Variants in SQLE observed in about 807,000 individuals in gnomAD.
SQLE encodes the protein squalene monooxygenase.
SQLE carries 29 observed loss-of-function variants against 60.7 expected under a neutral mutation model. That is an observed-to-expected ratio of 0.48 (90% CI 0.36 to 0.65). SQLE has a LOEUF of 0.65. SQLE is among the 30% of genes least tolerant of loss of function. SQLE has a pLI of 0.00. For missense variants in SQLE, 605 were observed against 684.1 expected (o/e 0.88, Z 1.29); for synonymous variants, 237 against 246.8 (o/e 0.96, Z 0.37).
chr8:125,000,989 A>G (rs905538742), intron 1 of SQLE, among the ~76,000 whole-genome samples: 45 of 152,296 alleles, frequency 3.0e-4, no homozygotes, highest in African/African-American at 9.9e-4. Context: ...GCTGGTAGTT[A>G]ATACCTAGTC....
chr8:125,011,709 C>T (rs530146201), intron 7 of SQLE, 77 bp downstream of exon 7: 33 of 1,231,958 alleles, frequency 2.7e-5, no homozygotes, highest in Non-Finnish European at 3.2e-5. Context: ...TATACTGTTA[C>T]GAATAACTTC....
intron 3 of SQLE, 94 bp from the exon 4 acceptor site, chr8:125,007,297 A>T (rs1814967962): frequency 3.5e-6 from 3 of 860,072 alleles, no homozygotes; most frequent in Non-Finnish European, 5.1e-6. Flanking sequence ...ATGCATGTCC[A>T]GTTTATATGG....
At chr8:125,013,042 TTTG>T (rs1169756415) in intron 7 of SQLE, among the ~76,000 whole-genome samples, 1 of 152,206 alleles carries the variant, frequency 6.6e-6, no homozygotes, top group African/African-American at 2.4e-5. Context: ...ATATAGGCCA[TTTG>T]TTGTTTGGAG....
At chr8:125,020,728 T>G in intron 9 of SQLE, 56 bp from the exon 10 acceptor site, 1 of 1,092,926 alleles carries the variant, frequency 9.1e-7, no homozygotes. Flanking sequence ...TGATATATCA[T>G]TAGCATCCTA....
At chr8:125,000,050 G>A in intron 1 of SQLE, 1 of 476,494 alleles carries the variant, frequency 2.1e-6, no homozygotes, top group South Asian at 1.5e-5. Flanking sequence ...TTGTGCCTGA[G>A]GAAGAAAGAA....
In SQLE at chr8:124,998,540, CGA is replaced by C; in HGVS notation, c.-863_-862del. 1.5e-6 allele frequency: 1 copy of C among 670,986 alleles called. No homozygotes were observed. Among genetic ancestry groups the C allele is most frequent in the Non-Finnish European group, 2.7e-6 (1 of 370,476 alleles). The allele number at this position is 670,986 out of a possible 1,614,324, so 41.6% of individuals were successfully genotyped here. A position where few individuals can be genotyped will look rare whatever the true frequency, so the allele number is the denominator to read the frequency against. Reference sequence around the variant, plus strand: ...GAGCCTGGCGGCGAGTGGGGGCGTGCGACGGTTACTCTGGTTACTGGGGCCGC... The same window carrying C: ...GAGCCTGGCGGCGAGTGGGGGCGTGCCGGTTACTCTGGTTACTGGGGCCGC... On this transcript the variant is annotated 5_prime_UTR_variant, in exon 1 of 11. Transcript: ENST00000265896.
At chr8:125,019,007 C>A (rs1815158265) in intron 9 of SQLE, 1 of 307,652 alleles carries the variant, frequency 3.3e-6, no homozygotes, top group African/African-American at 2.2e-5. Flanking sequence ...TGCTTGTCCT[C>A]ACACACACAA....
rs777897360 is a variant in SQLE at position 124,999,553 on chromosome 8, C to G, written c.150C>G (p.Asn50Lys). The change falls in exon 1 of 11, where the codon AAC (asparagine) becomes AAG (lysine). Residue 50 changes from asparagine (N) to lysine (K), a missense_variant. Transcript: ENST00000265896. ...TCTCCTACCGCTGTCGCCACCGAAA[C>G]GGGGGTCTCCTCGGGCGCCAGCAGA... Reference protein sequence around the residue: ...LVLSYRCRHRNGGLLGRQQSG... With the variant: ...LVLSYRCRHRKGGLLGRQQSG... The G allele has an allele frequency of 1.1e-5, 18 of 1,613,196 alleles. No individual in the cohort carries two copies.
chr8:125,016,404 CAG>C lies in SQLE; in HGVS notation c.1205-1654_1205-1653del, dbSNP rs1815112455. 6.6e-6 allele frequency among the ~76,000 whole-genome samples: 1 copy of C among 152,010 alleles called. No individual in the cohort carries two copies. Among genetic ancestry groups the C allele is most frequent in the Non-Finnish European group, 1.5e-5 (1 of 68,010 alleles). ...ACTGTTGAGATTCTGCCATGTTCTT[CAG>C]TAAGTTAATTGAATTTTTTATCTCC... On this transcript the variant is annotated intron_variant, in intron 7 of 10. Coordinates refer to ENST00000265896, the MANE Select transcript of SQLE (RefSeq NM_003129.4). The surrounding 1 kb of genome is among the most constrained non-coding windows in gnomAD (Gnocchi z 4.1).
chr8:125,009,379 T>C, intron 6 of SQLE, 36 bp downstream of exon 6: 1 of 1,567,188 alleles, frequency 6.4e-7, no homozygotes, highest in Non-Finnish European at 8.7e-7. Flanking sequence ...ACAAAGGCTG[T>C]GTCTAAAATA....
chr8:125,015,739 T>C (rs533791798), intron 7 of SQLE, among the ~76,000 whole-genome samples: 2 of 152,356 alleles, frequency 1.3e-5, no homozygotes, highest in South Asian at 4.1e-4. Context: ...AAGGTCCTTT[T>C]CTTTTAGATT....
Position 124,998,707 on chromosome 8 carries a change from G to A in SQLE, c.-697G>A. 1 of 607,788 alleles carries A rather than the reference G, an allele frequency of 1.6e-6. No individual in the cohort carries two copies. The highest frequency in any genetic ancestry group is 3.3e-5 in the East Asian group (1 of 30,760). 37.6% of individuals were successfully genotyped at this position (607,788 alleles called of 1,614,324 possible). On this transcript the variant is annotated 5_prime_UTR_variant, in exon 1 of 11. Coordinates refer to ENST00000265896, the MANE Select transcript of SQLE (RefSeq NM_003129.4). The stretch of plus-strand genomic sequence containing the variant: ...GCAGTCGCGGTGGGCGGCTCTGGGG[G>A]CCAGCGAAACGGGAGGCCTCTAAAT...
At chr8:125,001,223 T>A (rs1371603983) in intron 1 of SQLE, among the ~76,000 whole-genome samples, 2 of 152,180 alleles carry the variant, frequency 1.3e-5, no homozygotes, top group African/African-American at 4.8e-5. Flanking sequence ...GTGGCTGGAA[T>A]GCTGTTCCTG....
intron 2 of SQLE, among the ~76,000 whole-genome samples, chr8:125,004,701 T>G (rs1369896244): frequency 1.3e-5 from 2 of 152,058 alleles, no homozygotes; most frequent in Non-Finnish European, 2.9e-5. Flanking sequence ...ATGAGTAAAT[T>G]TTATTATATA....
chr8:125,006,620 CAAAA>C (rs575609752), intron 3 of SQLE, among the ~76,000 whole-genome samples: 9 of 65,364 alleles, frequency 1.4e-4, no homozygotes, highest in Non-Finnish European at 2.3e-4. Context: ...GACTTGGTCT[CAAAA>C]AAAAAAAAAA....
At chr8:125,013,620 T>A (rs528644812) in intron 7 of SQLE, among the ~76,000 whole-genome samples, 15 of 152,322 alleles carry the variant, frequency 9.8e-5, no homozygotes, top group African/African-American at 3.6e-4. Flanking sequence ...CCCAAAGTCC[T>A]GGGATTACAG....
At position 125,021,987 on chromosome 8, in the gene SQLE, C is replaced by G. The variant is rs376975638; in HGVS notation, c.*42C>G. On this transcript the variant is annotated 3_prime_UTR_variant, in exon 11 of 11. Transcript: ENST00000265896. Reference sequence around the variant, plus strand: ...TTTGTGAATGAATATTTGGAACTTACCAAGTCCTAAGAGACTTTTGGAAGA... The same window carrying G: ...TTTGTGAATGAATATTTGGAACTTAGCAAGTCCTAAGAGACTTTTGGAAGA... 1.3e-6 allele frequency: 2 copies of G among 1,485,444 alleles called. No individual in the cohort carries two copies. Among genetic ancestry groups the G allele is most frequent in the African/African-American group, 1.4e-5 (1 of 71,834 alleles). 92.0% of individuals were successfully genotyped at this position (1,485,444 alleles called of 1,614,324 possible).
At chr8:125,018,545 G>C (rs1815146751) in intron 8 of SQLE, 86 bp from the exon 9 acceptor site, 2 of 841,438 alleles carry the variant, frequency 2.4e-6, no homozygotes, top group Non-Finnish European at 3.7e-6. Flanking sequence ...TCCTTAGAAG[G>C]ATAAGTATCA....
chr8:125,018,628 TAGGCCAAAA>T lies in SQLE; in HGVS notation c.1348-1_1355del, dbSNP rs1288133117. The T allele has an allele frequency of 1.9e-6, 3 of 1,594,078 alleles. No homozygotes were observed. In the Admixed American group the frequency reaches 5.4e-5, roughly 29 times the overall value. ...TATAATAAATGAGCTATTTCTTTTT[TAGGCCAAAA>T]AATCATTTTACTGGGCAAGAAAAAC... On this transcript the variant is annotated splice_acceptor_variant and coding_sequence_variant, in exon 9 of 11. Coordinates refer to ENST00000265896, the MANE Select transcript of SQLE (RefSeq NM_003129.4). LOFTEE classifies it high-confidence loss of function.
Sources: allele counts gnomAD v4.1 joint callset (sites outside exome capture counted in the v4.1 genomes callset), GRCh38; gene constraint gnomAD v4.1.1; non-coding constraint Gnocchi (gnomAD v3.1); transcripts MANE v1.5; gene names NCBI Gene and HGNC (gene_info 2026-07-23, HGNC 2026-07-21).